CSMD1: variants seen among roughly 807,000 people sequenced by gnomAD.
CSMD1 encodes CUB and sushi domain-containing protein 1.
In CSMD1, 213 loss-of-function variants were observed where a neutral mutation model predicts 417.5. That is an observed-to-expected ratio of 0.51 (90% CI 0.46 to 0.57). The LOEUF (loss-of-function observed/expected upper bound fraction) is 0.57, where lower values mean the gene tolerates loss of function less well. Ranked by LOEUF, CSMD1 falls within the 20% of genes least tolerant of loss-of-function variation. The pLI, the probability that CSMD1 is intolerant of heterozygous loss-of-function variation, is 0.00. For missense variants in CSMD1, 6,923 were observed against 4,529.7 expected, an observed-to-expected ratio of 1.53 and a Z score of -15.17; for synonymous variants, 2,862 against 1,736.8, an observed-to-expected ratio of 1.65 and a Z score of -16.11.
intron 1 of CSMD1, among the ~76,000 whole-genome samples, chr8:4,726,895 A>G (rs1809496463): frequency 6.6e-6 from 1 of 152,202 alleles, no homozygotes; most frequent in Admixed American, 6.5e-5. Context: ...TAGAAATATG[A>G]AGAGCTGAAA....
chr8:3,980,748 G>C (rs1433692003), intron 5 of CSMD1, among the ~76,000 whole-genome samples: 1 of 152,184 alleles, frequency 6.6e-6, no homozygotes, highest in Non-Finnish European at 1.5e-5. Flanking sequence ...CTGAATTCCT[G>C]AATTTTCATT....
intron 10 of CSMD1, among the ~76,000 whole-genome samples, chr8:3,568,793 G>C (rs1002717008): frequency 6.6e-6 from 1 of 151,884 alleles, no homozygotes; most frequent in African/African-American, 2.4e-5. Context: ...TAGAAGACAG[G>C]TCTTCCATGA....
rs143586550 is a variant in CSMD1 at position 4,205,106 on chromosome 8, T to A, written c.416-173007A>T. ...ACATCAAATGCTTTAAAAAGAAACA[T>A]GATTTAACATAAACACATTTATCTC... On this transcript the variant is annotated intron_variant, in intron 3 of 69. Coordinates refer to ENST00000635120, the MANE Select transcript of CSMD1 (RefSeq NM_033225.6). 6.6e-5 allele frequency among the ~76,000 whole-genome samples: 10 copies of A among 152,310 alleles called. No homozygotes were observed. The East Asian group carries it at 1.9e-3, about 29-fold the overall frequency.
At chr8:3,829,001 T>A (rs1250208820) in intron 5 of CSMD1, among the ~76,000 whole-genome samples, 1 of 152,308 alleles carries the variant, frequency 6.6e-6, no homozygotes, top group East Asian at 1.9e-4. Flanking sequence ...CTGTTTCCTC[T>A]GTCTACAATC....
At chr8:4,456,602 G>C (rs575472060) in intron 2 of CSMD1, among the ~76,000 whole-genome samples, 2 of 152,128 alleles carry the variant, frequency 1.3e-5, no homozygotes, top group Non-Finnish European at 2.9e-5. Context: ...TGTAGGGATA[G>C]AAGAGTAGAG....
chr8:3,116,661 C>T (rs756973452), intron 42 of CSMD1, among the ~76,000 whole-genome samples: 1 of 152,164 alleles, frequency 6.6e-6, no homozygotes, highest in South Asian at 2.1e-4. Context: ...TATTTTCACA[C>T]TGACAAAATA....
At chr8:4,666,681 T>G (rs1444156330) in intron 1 of CSMD1, among the ~76,000 whole-genome samples, 1 of 152,208 alleles carries the variant, frequency 6.6e-6, no homozygotes, top group Admixed American at 6.5e-5. Context: ...AAACAAAGTG[T>G]CCAAATATTT....
At chr8:4,973,860 G>C (rs1375868736) in intron 1 of CSMD1, among the ~76,000 whole-genome samples, 2 of 152,056 alleles carry the variant, frequency 1.3e-5, no homozygotes, top group African/African-American at 2.4e-5. Flanking sequence ...TCAAATCAAC[G>C]TGACAAATCC....
chr8:4,752,842 A>G (rs1811419851), intron 1 of CSMD1, among the ~76,000 whole-genome samples: 1 of 152,146 alleles, frequency 6.6e-6, no homozygotes, highest in African/African-American at 2.4e-5. Context: ...TCCTGAAATA[A>G]CAAGTTGAGG....
intron 52 of CSMD1, among the ~76,000 whole-genome samples, chr8:3,008,118 G>T (rs1012793567): frequency 6.6e-5 from 10 of 152,162 alleles, no homozygotes; most frequent in African/African-American, 1.9e-4. Context: ...AAGATGGATG[G>T]AGTATTGAGT....
At chr8:4,682,310 C>A (rs1373068065) in intron 1 of CSMD1, among the ~76,000 whole-genome samples, 1 of 152,156 alleles carries the variant, frequency 6.6e-6, no homozygotes, top group African/African-American at 2.4e-5. Context: ...GGAATACAAG[C>A]ACAAGCCACT....
chr8:3,451,709 G>C (rs937532833), intron 12 of CSMD1, among the ~76,000 whole-genome samples: 4 of 152,140 alleles, frequency 2.6e-5, no homozygotes, highest in Admixed American at 6.5e-5. Flanking sequence ...TGCTGTTTTG[G>C]TTACGGTAGC....
At chr8:4,307,459 G>A (rs376625262) in intron 3 of CSMD1, among the ~76,000 whole-genome samples, 2 of 152,090 alleles carry the variant, frequency 1.3e-5, no homozygotes, top group Non-Finnish European at 2.9e-5. Context: ...GAAAGCCCAT[G>A]TTACATCCCC....
At chr8:4,285,675 G>A (rs1404857271) in intron 3 of CSMD1, among the ~76,000 whole-genome samples, 3 of 152,184 alleles carry the variant, frequency 2.0e-5, no homozygotes, top group African/African-American at 7.2e-5. Context: ...TGGCAGTGGT[G>A]TAGGAAGAAT....
rs113289798 is a variant in CSMD1 at position 3,164,948 on chromosome 8, T to C, written c.5726-2671A>G. ...TTCTCCTTTCTTGAATTCTATTCAA[T>C]TGATCCTCTGGGGAAAAAAAAATTG... On this transcript the variant is annotated intron_variant, in intron 37 of 69. Transcript: ENST00000635120. Among the ~76,000 whole-genome samples the C allele has an allele frequency of 5.0e-3, 757 of 152,046 alleles. 11 individuals carry two copies. Among genetic ancestry groups the C allele is most frequent in the African/African-American group, 0.018 (733 of 41,510 alleles).
At chr8:3,312,002 T>C (rs1039431089) in intron 23 of CSMD1, among the ~76,000 whole-genome samples, 4 of 152,180 alleles carry the variant, frequency 2.6e-5, no homozygotes, top group Admixed American at 2.6e-4. Flanking sequence ...AATCCAAAAA[T>C]AGGCTTATTT....
chr8:3,620,106 A>G (rs1802349362), intron 7 of CSMD1, among the ~76,000 whole-genome samples: 2 of 152,208 alleles, frequency 1.3e-5, no homozygotes, highest in South Asian at 4.1e-4. Context: ...CAACTGAAGA[A>G]AAGAAGAAAA....
rs148812498 is a variant in CSMD1, at chr8:4,006,986, C to G, written c.611-8876G>C. Among the ~76,000 whole-genome samples, 1,278 of 151,984 alleles carry G rather than the reference C, an allele frequency of 8.4e-3. 14 individuals carry two copies. Among genetic ancestry groups the G allele is most frequent in the Non-Finnish European group, 9.8e-3 (669 of 67,986 alleles). Reference sequence around the variant, plus strand: ...GGGACTACAGGCACACACCACCACACCCGGCTAATTTTTGTGTGTATGTGT... The same window carrying G: ...GGGACTACAGGCACACACCACCACAGCCGGCTAATTTTTGTGTGTATGTGT... On this transcript the variant is annotated intron_variant, in intron 4 of 69. Transcript: ENST00000635120.
At chr8:3,839,553 A>C (rs1394049437) in intron 5 of CSMD1, among the ~76,000 whole-genome samples, 7 of 93,172 alleles carry the variant, frequency 7.5e-5, no homozygotes, top group Admixed American at 4.7e-4. Context: ...TATTATATAT[A>C]TATTATAATA....
Sources: gnomAD v4.1 joint callset for allele counts (sites outside exome capture counted in the v4.1 genomes callset) on GRCh38, gnomAD v4.1.1 for gene constraint, MANE v1.5 for transcripts, NCBI Gene and HGNC (gene_info 2026-07-23, HGNC 2026-07-21) for gene names.